The following IMMP2L variants were observed in gnomAD, a reference collection of about 807,000 sequenced individuals.
IMMP2L encodes inner mitochondrial membrane peptidase subunit 2.
Under a neutral mutation model 19.3 loss-of-function variants are expected in IMMP2L, and 18 were observed. The ratio of observed to expected loss-of-function variants is 0.93; its 90% confidence interval spans 0.64 to 1.38. IMMP2L has a LOEUF of 1.38. IMMP2L is among the 40% of genes most tolerant of loss of function. The pLI, the probability that IMMP2L is intolerant of heterozygous loss-of-function variation, is 0.00. For missense variants in IMMP2L, 233 were observed against 218.2 expected (o/e 1.07, Z -0.43); for synonymous variants, 76 against 73.0 (o/e 1.04, Z -0.21).
intron 3 of IMMP2L, among the ~76,000 whole-genome samples, chr7:111,004,372 C>T (rs1288076055): frequency 6.6e-6 from 1 of 151,888 alleles, no homozygotes; most frequent in Admixed American, 6.6e-5. Flanking sequence ...TCTGTGTTTC[C>T]CAGGCTGGTC....
chr7:111,478,934 T>C (rs536715394), intron 3 of IMMP2L, among the ~76,000 whole-genome samples: 1 of 152,312 alleles, frequency 6.6e-6, no homozygotes, highest in South Asian at 2.1e-4. Flanking sequence ...TGACAGACAG[T>C]TGAAGTAAAG....
chr7:111,323,360 C>T (rs1824953840), intron 3 of IMMP2L, among the ~76,000 whole-genome samples: 1 of 152,002 alleles, frequency 6.6e-6, no homozygotes, highest in Non-Finnish European at 1.5e-5. Context: ...CAAAAGAAGT[C>T]ATTTATGCAG....
chr7:110,842,254 T>A (rs193283384), intron 5 of IMMP2L, among the ~76,000 whole-genome samples: 1 of 152,218 alleles, frequency 6.6e-6, no homozygotes, highest in African/African-American at 2.4e-5. Flanking sequence ...TTTTTGTTTA[T>A]TTGTCTGAAA....
At chr7:110,748,529 T>C (rs1490484187) in intron 5 of IMMP2L, among the ~76,000 whole-genome samples, 5 of 152,138 alleles carry the variant, frequency 3.3e-5, no homozygotes, top group African/African-American at 7.2e-5. Flanking sequence ...AAAAACAGCA[T>C]GGTACTGGTA....
At chr7:111,066,225 C>T (rs1794487423) in intron 3 of IMMP2L, among the ~76,000 whole-genome samples, 1 of 151,958 alleles carries the variant, frequency 6.6e-6, no homozygotes, top group South Asian at 2.1e-4. Context: ...TCGTGATCCA[C>T]CCAACTCGGC....
chr7:110,730,513 T>C (rs778483972), intron 5 of IMMP2L, among the ~76,000 whole-genome samples: 65 of 152,078 alleles, frequency 4.3e-4, no homozygotes, highest in Non-Finnish European at 8.7e-4. Context: ...TTGGACTGGC[T>C]TTCTTTCCTT....
At chr7:111,490,018 G>A (rs560375312) in intron 2 of IMMP2L, among the ~76,000 whole-genome samples, 3 of 150,324 alleles carry the variant, frequency 2.0e-5, no homozygotes, top group East Asian at 2.0e-4. Context: ...GGCTGGTCTC[G>A]AACTCCTGAT....
At chr7:111,201,773 T>A in intron 3 of IMMP2L, among the ~76,000 whole-genome samples, 1 of 151,744 alleles carries the variant, frequency 6.6e-6, no homozygotes, top group East Asian at 1.9e-4. Context: ...GATTAGGTTG[T>A]GAGGGCTCCG....
At chr7:111,160,273 G>A (rs886073273) in intron 3 of IMMP2L, among the ~76,000 whole-genome samples, 2 of 151,878 alleles carry the variant, frequency 1.3e-5, no homozygotes, top group Non-Finnish European at 1.5e-5. Flanking sequence ...ATATTATAAC[G>A]CTATAATAAA....
chr7:110,681,716 C>T (rs1463639980), intron 5 of IMMP2L, among the ~76,000 whole-genome samples: 1 of 152,100 alleles, frequency 6.6e-6, no homozygotes, highest in African/African-American at 2.4e-5. Context: ...AGAATCAGGC[C>T]TTAAAAGGCT....
At chr7:111,340,789 G>C (rs903044042) in intron 3 of IMMP2L, among the ~76,000 whole-genome samples, 1 of 152,052 alleles carries the variant, frequency 6.6e-6, no homozygotes, top group African/African-American at 2.4e-5. Context: ...TAGCAGGAAT[G>C]AACCTCACCT....
intron 1 of IMMP2L, among the ~76,000 whole-genome samples, chr7:111,542,066 G>GA (rs905484416): frequency 4.6e-4 from 70 of 151,998 alleles, no homozygotes; most frequent in African/African-American, 1.7e-3. Context: ...GTATATTTTG[G>GA]ATATTAACCT....
At chr7:111,536,011 A>T (rs1212594447) in intron 1 of IMMP2L, among the ~76,000 whole-genome samples, 1 of 152,138 alleles carries the variant, frequency 6.6e-6, no homozygotes, top group Non-Finnish European at 1.5e-5. Flanking sequence ...AGAAGTGCTT[A>T]GAAAAAAGAT....
intron 5 of IMMP2L, among the ~76,000 whole-genome samples, chr7:110,701,962 T>C (rs1794319625): frequency 6.6e-6 from 1 of 152,010 alleles, no homozygotes; most frequent in South Asian, 2.1e-4. Context: ...CTTGAGACAG[T>C]GTCTCACTCT....
At chr7:111,406,762 T>A (rs1272417543) in intron 3 of IMMP2L, among the ~76,000 whole-genome samples, 2 of 152,072 alleles carry the variant, frequency 1.3e-5, no homozygotes, top group Non-Finnish European at 2.9e-5. Context: ...TCTATATCCC[T>A]GTTAATAGGT....
chr7:111,237,652 A>C (rs1814491414), intron 3 of IMMP2L, among the ~76,000 whole-genome samples: 1 of 151,998 alleles, frequency 6.6e-6, no homozygotes, highest in Non-Finnish European at 1.5e-5. Context: ...CTATAATCAT[A>C]GAAATTACAC....
chr7:110,879,199 TG>T (rs1809382857), intron 5 of IMMP2L, among the ~76,000 whole-genome samples: 2 of 152,166 alleles, frequency 1.3e-5, no homozygotes, highest in South Asian at 2.1e-4. Flanking sequence ...CAGACCAGCC[TG>T]GTCAACATGG....
intron 3 of IMMP2L, among the ~76,000 whole-genome samples, chr7:111,208,106 C>T (rs1171871081): frequency 6.6e-6 from 1 of 152,102 alleles, no homozygotes; most frequent in Non-Finnish European, 1.5e-5. Flanking sequence ...CTAATGGACT[C>T]AAACAGAGTC....
intron 3 of IMMP2L, among the ~76,000 whole-genome samples, chr7:111,086,978 G>A (rs7800862): frequency 0.77 from 117,703 of 152,168 alleles, 46,687 homozygotes; most frequent in Non-Finnish European, 0.86. Flanking sequence ...CATCCATCAA[G>A]CATTCATTTA....
Sources: allele counts gnomAD v4.1 joint callset (sites outside exome capture counted in the v4.1 genomes callset), GRCh38; gene constraint gnomAD v4.1.1; transcripts MANE v1.5; gene names NCBI Gene and HGNC (gene_info 2026-07-23, HGNC 2026-07-21).